OMA1: variants seen among roughly 807,000 people sequenced by gnomAD.
OMA1 encodes OMA1 zinc metallopeptidase, also known as metalloendopeptidase OMA1, mitochondrial.
A neutral mutation model predicts 30.9 loss-of-function variants in OMA1; 38 were observed. That is an observed-to-expected ratio of 1.23 (90% CI 0.95 to 1.61). The LOEUF (loss-of-function observed/expected upper bound fraction) is 1.61. Ranked by LOEUF, OMA1 falls within the 40% of genes most tolerant of loss-of-function variation. The probability of loss-of-function intolerance (pLI) is 0.00; values close to 1 mark genes in which losing one functional copy is unlikely to be tolerated. For synonymous variants in OMA1, 173 were observed against 121.9 expected (o/e 1.42, Z -2.76); for missense variants, 461 against 349.2 (o/e 1.32, Z -2.55).
chr1:58,513,943 C>T (rs188468101), intron 7 of OMA1, among the ~76,000 whole-genome samples: 2 of 152,086 alleles, frequency 1.3e-5, no homozygotes, highest in Non-Finnish European at 2.9e-5. Flanking sequence ...AGAGTTTTTG[C>T]CCCTGGGTCA....
chr1:58,519,159 A>T (rs990144493), intron 7 of OMA1, among the ~76,000 whole-genome samples: 2 of 152,234 alleles, frequency 1.3e-5, no homozygotes, highest in Non-Finnish European at 2.9e-5. Flanking sequence ...AGAATTTTTA[A>T]AAGTCTCCAC....
chr1:58,508,877 T>C (rs1359273323), intron 7 of OMA1, among the ~76,000 whole-genome samples: 2 of 150,712 alleles, frequency 1.3e-5, no homozygotes, highest in African/African-American at 4.9e-5. Flanking sequence ...TGTCCAACAT[T>C]CTAACATTTC....
Position 58,506,112 on chromosome 1 carries a change from G to C in OMA1, c.1313C>G (p.Thr438Arg), listed in dbSNP as rs1557445022. ...AACTCGATTGCCATGAGAAGGGTGT[G>C]TAGATAACCATTCTGGCATCTTGGG... ...GQPKMPEWLS[T>R]HPSHGNRVEY... is the part of the protein sequence containing the mutation. Residue 438 changes from threonine (T) to arginine (R), a missense_variant, in exon 8 of 9, where the codon ACA becomes AGA. Coordinates refer to ENST00000371226, the MANE Select transcript of OMA1 (RefSeq NM_145243.5). The C allele has an allele frequency of 1.1e-6, 1 of 872,434 alleles. No homozygotes were observed. The highest frequency in any genetic ancestry group is 2.0e-6 in the Non-Finnish European group (1 of 501,254). 54.0% of individuals were successfully genotyped at this position (872,434 alleles called of 1,614,324 possible).
At chr1:58,535,771 C>G (rs1434618057) in intron 3 of OMA1, among the ~76,000 whole-genome samples, 1 of 151,998 alleles carries the variant, frequency 6.6e-6, no homozygotes, top group Non-Finnish European at 1.5e-5. Context: ...AAATGTTTAA[C>G]TACCTGAGTT....
chr1:58,521,665 T>C (rs1262044620), intron 7 of OMA1, among the ~76,000 whole-genome samples: 1 of 152,064 alleles, frequency 6.6e-6, no homozygotes, highest in East Asian at 1.9e-4. Context: ...GCCAATGATT[T>C]TGAAAATTAA....
At chr1:58,482,414 T>C (rs1645503453) in intron 8 of OMA1, among the ~76,000 whole-genome samples, 1 of 152,206 alleles carries the variant, frequency 6.6e-6, no homozygotes, top group Non-Finnish European at 1.5e-5. Context: ...TTAGAACTAT[T>C]TAACTCTTCA....
chr1:58,508,273 T>C (rs1646021038), intron 7 of OMA1, among the ~76,000 whole-genome samples: 1 of 152,182 alleles, frequency 6.6e-6, no homozygotes, highest in Admixed American at 6.6e-5. Flanking sequence ...TAATTTTGTT[T>C]CCAAAATGAG....
intron 1 of OMA1, 189 bp downstream of exon 1, chr1:58,546,514 C>T (rs1376108612): frequency 6.6e-6 from 1 of 150,962 alleles, no homozygotes. Flanking sequence ...CGCCCCTCCC[C>T]TCCACGCAGC....
chr1:58,510,460 G>C (rs1646055874), intron 7 of OMA1, among the ~76,000 whole-genome samples: 1 of 151,704 alleles, frequency 6.6e-6, no homozygotes, highest in South Asian at 2.1e-4. Context: ...ACTAGAAATA[G>C]AAAAAAATTA....
Position 58,538,823 on chromosome 1 carries a change from G to A in OMA1, c.472C>T (p.Gln158Ter). The A allele has an allele frequency of 1.2e-6, 1 of 854,406 alleles. No individual in the cohort carries two copies. Among genetic ancestry groups the A allele is most frequent in the Non-Finnish European group, 2.0e-6 (1 of 496,514 alleles). The allele number at this position is 854,406 out of a possible 1,614,324, so 52.9% of individuals were successfully genotyped here. A position where few individuals can be genotyped will look rare whatever the true frequency, so the allele number is the denominator to read the frequency against. ...PLLLMILKPV[Q>*]KLFAIIVGRG... ...CCTACAATGATTGCAAATAACTTCT[G>A]TACTGGTTTAAGAATCATCAACAAG... The change falls in exon 2 of 9, where the codon CAG becomes TAG. Residue 158 changes from glutamine to a stop codon, truncating the protein, a stop_gained. Transcript: ENST00000371226. LOFTEE classifies it high-confidence loss of function.
chr1:58,493,588 T>C (rs1408186346), intron 8 of OMA1, among the ~76,000 whole-genome samples: 5 of 151,234 alleles, frequency 3.3e-5, no homozygotes, highest in Admixed American at 6.6e-5. Context: ...ACAAAATCAA[T>C]GTGCAAAAAT....
At chr1:58,500,494 C>T (rs1248359935) in intron 8 of OMA1, among the ~76,000 whole-genome samples, 1 of 152,136 alleles carries the variant, frequency 6.6e-6, no homozygotes, top group Non-Finnish European at 1.5e-5. Context: ...AAACCCCTAG[C>T]TTCCTGAAAG....
In OMA1 at chr1:58,480,774, A is replaced by G. The variant is rs1035041360; in HGVS notation, c.*191T>C. On this transcript the variant is annotated 3_prime_UTR_variant, in exon 9 of 9. Transcript: ENST00000371226. ...CATTTTCCTCATTGAAGATATTTTAACATAGATTAAAATACATCAATATTT... is the reference window on the plus strand; with the variant it reads ...CATTTTCCTCATTGAAGATATTTTAGCATAGATTAAAATACATCAATATTT... 2.2e-6 allele frequency: 1 copy of G among 451,888 alleles called. No homozygotes were observed. The highest frequency in any genetic ancestry group is 3.8e-6 in the Non-Finnish European group (1 of 261,114). 28.0% of individuals were successfully genotyped at this position (451,888 alleles called of 1,614,324 possible).
chr1:58,523,296 T>C (rs1455138089), intron 7 of OMA1, among the ~76,000 whole-genome samples: 1 of 152,242 alleles, frequency 6.6e-6, no homozygotes, highest in Non-Finnish European at 1.5e-5. Flanking sequence ...AACATCTGGA[T>C]AGTTTGCTTC....
chr1:58,521,945 G>A (rs568300771), intron 7 of OMA1, among the ~76,000 whole-genome samples: 163 of 152,212 alleles, frequency 1.1e-3, no homozygotes, highest in African/African-American at 3.9e-3. Context: ...AAACCTGACA[G>A]GACATTACAA....
intron 6 of OMA1, among the ~76,000 whole-genome samples, chr1:58,529,771 G>T (rs1646404657): frequency 6.6e-6 from 1 of 152,066 alleles, no homozygotes; most frequent in African/African-American, 2.4e-5. Context: ...AATATATATA[G>T]TAAAATAACT....
chr1:58,484,290 C>A (rs180741114), intron 8 of OMA1, among the ~76,000 whole-genome samples: 11 of 152,294 alleles, frequency 7.2e-5, no homozygotes, highest in Admixed American at 2.0e-4. Flanking sequence ...TTAAAAAAAT[C>A]TTTTCTCACC....
intron 8 of OMA1, among the ~76,000 whole-genome samples, chr1:58,501,617 C>T (rs141925305): frequency 2.6e-5 from 4 of 152,306 alleles, no homozygotes; most frequent in Non-Finnish European, 5.9e-5. Flanking sequence ...GGTTCCTTCA[C>T]TTATTTCAAA....
chr1:58,497,184 G>T (rs565964940), intron 8 of OMA1, among the ~76,000 whole-genome samples: 12 of 151,998 alleles, frequency 7.9e-5, no homozygotes, highest in African/African-American at 2.9e-4. Flanking sequence ...TACAATGTGG[G>T]ATTATATGTA....
Sources: allele counts gnomAD v4.1 joint callset (sites outside exome capture counted in the v4.1 genomes callset), GRCh38; gene constraint gnomAD v4.1.1; transcripts MANE v1.5; gene names NCBI Gene and HGNC (gene_info 2026-07-23, HGNC 2026-07-21).